Variants in LRFN5 observed in about 807,000 individuals in gnomAD.
LRFN5 encodes leucine rich repeat and fibronectin type III domain containing 5.
LRFN5 carries 24 observed loss-of-function variants against 45.6 expected under a neutral mutation model. The ratio of observed to expected loss-of-function variants is 0.53; its 90% CI spans 0.38 to 0.74. LRFN5 has a LOEUF of 0.74. Ranked by LOEUF, LRFN5 falls within the 30% of genes least tolerant of loss-of-function variation. The pLI is 0.00. For synonymous variants in LRFN5, 340 were observed against 313.8 expected, an observed-to-expected ratio of 1.08 and a Z score of -0.88; for missense variants, 776 against 861.5, an observed-to-expected ratio of 0.90 and a Z score of 1.24.
intron 2 of LRFN5, among the ~76,000 whole-genome samples, chr14:41,802,840 G>A (rs1413435885): frequency 6.6e-6 from 1 of 152,066 alleles, no homozygotes; most frequent in Non-Finnish European, 1.5e-5. Context: ...ATCTAAGAAG[G>A]TTGAAGAATT....
intron 2 of LRFN5, among the ~76,000 whole-genome samples, chr14:41,839,938 T>C (rs1888801650): frequency 1.3e-5 from 2 of 152,122 alleles, no homozygotes; most frequent in Admixed American, 1.3e-4. Context: ...CTGTTTGTAC[T>C]ATAAATAGTC....
intron 1 of LRFN5, among the ~76,000 whole-genome samples, chr14:41,725,401 AT>A (rs1358873447): frequency 6.6e-6 from 1 of 152,082 alleles, no homozygotes; most frequent in African/African-American, 2.4e-5. Context: ...CACAAGTTTT[AT>A]TTCTGTATAT....
At chr14:41,841,605 G>A (rs925212257) in intron 2 of LRFN5, among the ~76,000 whole-genome samples, 1 of 151,644 alleles carries the variant, frequency 6.6e-6, no homozygotes, top group Non-Finnish European at 1.5e-5. Context: ...ATTTCTTGAC[G>A]AATCCTCTTC....
intron 2 of LRFN5, among the ~76,000 whole-genome samples, chr14:41,776,835 A>G (rs1886309607): frequency 6.6e-6 from 1 of 152,046 alleles, no homozygotes; most frequent in African/African-American, 2.4e-5. Flanking sequence ...TTAGTATTTT[A>G]AAAGTTTATT....
chr14:41,705,040 C>T (rs1233516936), intron 1 of LRFN5, among the ~76,000 whole-genome samples: 2 of 152,106 alleles, frequency 1.3e-5, no homozygotes, highest in African/African-American at 2.4e-5. Flanking sequence ...TATTATGTGG[C>T]TTTACTGGTT....
chr14:41,791,207 AT>A (rs1355875615), intron 2 of LRFN5, among the ~76,000 whole-genome samples: 7 of 151,946 alleles, frequency 4.6e-5, no homozygotes, highest in African/African-American at 1.4e-4. Context: ...TTTGGAAAAC[AT>A]TCCAACTTTA....
intron 1 of LRFN5, among the ~76,000 whole-genome samples, chr14:41,754,513 A>G (rs1330437217): frequency 6.6e-6 from 1 of 151,988 alleles, no homozygotes; most frequent in Non-Finnish European, 1.5e-5. Flanking sequence ...TGCATCGAGG[A>G]ATTTATCCAT....
chr14:41,781,081 A>T (rs182863926), intron 2 of LRFN5, among the ~76,000 whole-genome samples: 1 of 152,180 alleles, frequency 6.6e-6, no homozygotes, highest in African/African-American at 2.4e-5. Context: ...TATCTTTTAG[A>T]TTGATTAAGA....
chr14:41,809,891 T>G (rs541512312), intron 2 of LRFN5, among the ~76,000 whole-genome samples: 3 of 151,896 alleles, frequency 2.0e-5, no homozygotes, highest in Non-Finnish European at 4.4e-5. Context: ...ACAAGAGGAA[T>G]GAAAGGTAAG....
chr14:41,607,294 CGTTAT>C lies in LRFN5; in HGVS notation c.-1464_-1460del, dbSNP rs1373792573. Among the ~76,000 whole-genome samples the C allele has an allele frequency of 7.6e-6, 1 of 132,330 alleles. No individual in the cohort carries two copies. Among genetic ancestry groups the C allele is most frequent in the African/African-American group, 2.6e-5 (1 of 37,758 alleles). The allele number at this position is 132,330 out of a possible 152,430, so 86.8% of individuals were successfully genotyped here. A position where few individuals can be genotyped will look rare whatever the true frequency, so the allele number is the denominator to read the frequency against. ...CCCATATAATCCATTTTGCACGGTC[CGTTAT>C]ATCAGAAAAAAAAAGCGCAACTGGA... On this transcript the variant is annotated 5_prime_UTR_variant, in exon 1 of 6. Transcript: ENST00000298119.
chr14:41,848,712 A>G (rs1318888748), intron 2 of LRFN5, among the ~76,000 whole-genome samples: 1 of 152,050 alleles, frequency 6.6e-6, no homozygotes. Context: ...TGAGCATTTC[A>G]TAGATTACCA....
chr14:41,899,026 C>T (rs1891026867), intron 5 of LRFN5, 66 bp downstream of exon 5: 1 of 1,277,130 alleles, frequency 7.8e-7, no homozygotes, highest in Non-Finnish European at 1.1e-6. Flanking sequence ...TATAAATTAA[C>T]TTTAAGTAAT....
chr14:41,679,683 C>T (rs1331534116), intron 1 of LRFN5, among the ~76,000 whole-genome samples: 5 of 151,990 alleles, frequency 3.3e-5, no homozygotes, highest in African/African-American at 1.2e-4. Context: ...AGCACATTCC[C>T]AGCGGTGGTA....
At chr14:41,831,096 T>C (rs2139033293) in intron 2 of LRFN5, among the ~76,000 whole-genome samples, 1 of 152,342 alleles carries the variant, frequency 6.6e-6, no homozygotes, top group East Asian at 1.9e-4. Flanking sequence ...AATCATCTGT[T>C]TATTTTGAAT....
At chr14:41,669,862 C>T (rs888239076) in intron 1 of LRFN5, among the ~76,000 whole-genome samples, 1 of 150,634 alleles carries the variant, frequency 6.6e-6, no homozygotes, top group Non-Finnish European at 1.5e-5. Flanking sequence ...TGCTCTCTGA[C>T]TCTAATAATT....
At chr14:41,669,967 AATAGTTAAAAAT>A (rs1468993628) in intron 1 of LRFN5, among the ~76,000 whole-genome samples, 264 of 139,890 alleles carry the variant, frequency 1.9e-3, no homozygotes, top group Non-Finnish European at 3.2e-3. Flanking sequence ...TAAAGAAAAA[AATAGTTAAAAAT>A]ATAGTTAAAA....
At chr14:41,731,772 A>T (rs895637553) in intron 1 of LRFN5, 9 of 152,172 alleles carry the variant, frequency 5.9e-5, no homozygotes, top group Admixed American at 2.6e-4. Flanking sequence ...TCTCCTTCAG[A>T]TATTTGAGCT....
chr14:41,667,506 G>A (rs1370191974), intron 1 of LRFN5, among the ~76,000 whole-genome samples: 1 of 152,106 alleles, frequency 6.6e-6, no homozygotes, highest in Admixed American at 6.6e-5. Context: ...TAACATGCTG[G>A]ACAGGGAAAT....
intron 2 of LRFN5, among the ~76,000 whole-genome samples, chr14:41,784,755 A>G (rs1233515753): frequency 1.3e-5 from 2 of 152,012 alleles, no homozygotes; most frequent in African/African-American, 4.8e-5. Flanking sequence ...CAGCCTCCCA[A>G]GTAGCTGGGA....
Sources: allele counts gnomAD v4.1 joint callset (sites outside exome capture counted in the v4.1 genomes callset), GRCh38; gene constraint gnomAD v4.1.1; transcripts MANE v1.5; gene names NCBI Gene and HGNC (gene_info 2026-07-23, HGNC 2026-07-21).